SLC7A11: variants seen among roughly 807,000 people sequenced by gnomAD.
SLC7A11 encodes solute carrier family 7 member 11, also known as cystine/glutamate transporter.
A neutral mutation model predicts 54.5 loss-of-function variants in SLC7A11; 35 were observed. The observed-to-expected ratio is 0.64, with a 90% confidence interval of 0.49 to 0.85. The LOEUF is 0.85. Ranked by LOEUF, SLC7A11 falls within the 40% of genes least tolerant of loss-of-function variation. SLC7A11 has a pLI of 0.00. For synonymous variants in SLC7A11, 230 were observed against 225.2 expected, an observed-to-expected ratio of 1.02 and a Z score of -0.19; for missense variants, 583 against 618.1, an observed-to-expected ratio of 0.94 and a Z score of 0.60.
chr4:138,232,457 G>A (rs1738103629), intron 2 of SLC7A11, 75 bp from the exon 3 acceptor site: 2 of 784,446 alleles, frequency 2.5e-6, no homozygotes, highest in Non-Finnish European at 4.3e-6. Context: ...TCTACCTTGA[G>A]TGTATTTAGC....
intron 3 of SLC7A11, among the ~76,000 whole-genome samples, chr4:138,229,427 C>G (rs991415139): frequency 1.3e-5 from 2 of 152,184 alleles, no homozygotes; most frequent in Admixed American, 6.5e-5. Context: ...TGCTTTTTAA[C>G]TGTTGCTGAT....
intron 6 of SLC7A11, among the ~76,000 whole-genome samples, chr4:138,201,883 T>C (rs527917221): frequency 4.3e-4 from 66 of 152,266 alleles, no homozygotes; most frequent in African/African-American, 1.6e-3. Flanking sequence ...AAGGAATGAA[T>C]TAATGCAGAC....
rs983851765 is a variant in SLC7A11 at position 138,182,534 on chromosome 4, C to A, written c.1020-141G>T. 3 of 597,482 alleles carry A rather than the reference C, an allele frequency of 5.0e-6. No individual in the cohort carries two copies. The Admixed American group carries it at 9.1e-5, about 18-fold the overall frequency. 37.0% of individuals were successfully genotyped at this position (597,482 alleles called of 1,614,324 possible). ...TAGGTGATTGCCTAAGTTCACTTTT[C>A]AAATAAGGTGGAGAAATATCATAGG... On this transcript the variant is annotated intron_variant, in intron 8 of 11. Transcript: ENST00000280612.
chr4:138,208,828 G>A (rs1737473832), intron 6 of SLC7A11, among the ~76,000 whole-genome samples: 2 of 151,990 alleles, frequency 1.3e-5, no homozygotes, highest in Admixed American at 6.6e-5. Flanking sequence ...AGCAATTGTT[G>A]TATTTGAAAG....
chr4:138,228,989 C>A (rs530702450), intron 3 of SLC7A11, among the ~76,000 whole-genome samples: 12 of 152,182 alleles, frequency 7.9e-5, no homozygotes, highest in African/African-American at 2.9e-4. Context: ...ATTTACTTAA[C>A]CCCCCACCCT....
At chr4:138,217,208 T>G (rs1015702381) in intron 5 of SLC7A11, among the ~76,000 whole-genome samples, 2 of 152,204 alleles carry the variant, frequency 1.3e-5, no homozygotes, top group Admixed American at 1.3e-4. Flanking sequence ...ATAAGCCACT[T>G]GTATCAGATA....
chr4:138,204,372 A>C (rs1174992246), intron 6 of SLC7A11, among the ~76,000 whole-genome samples: 3 of 152,090 alleles, frequency 2.0e-5, no homozygotes, highest in Admixed American at 2.0e-4. Context: ...CAATCAATCT[A>C]CTTGTCAGAA....
At chr4:138,232,690 G>A (rs1053441275) in intron 2 of SLC7A11, among the ~76,000 whole-genome samples, 1 of 152,156 alleles carries the variant, frequency 6.6e-6, no homozygotes, top group African/African-American at 2.4e-5. Flanking sequence ...TCTTGACAGA[G>A]CTAGGCTTAC....
chr4:138,238,477 A>G (rs1474523287), intron 1 of SLC7A11, among the ~76,000 whole-genome samples: 2 of 152,252 alleles, frequency 1.3e-5, no homozygotes, highest in Non-Finnish European at 2.9e-5. Flanking sequence ...CTGATTAGTA[A>G]TAATTTAGAC....
intron 6 of SLC7A11, among the ~76,000 whole-genome samples, chr4:138,186,597 C>T (rs1197045580): frequency 6.6e-6 from 1 of 152,118 alleles, no homozygotes; most frequent in Non-Finnish European, 1.5e-5. Flanking sequence ...CAGATGGTCC[C>T]CTTCCCTAGT....
At chr4:138,212,139 A>G (rs1438403181) in intron 6 of SLC7A11, among the ~76,000 whole-genome samples, 1 of 151,910 alleles carries the variant, frequency 6.6e-6, no homozygotes. Flanking sequence ...GATATCCCAT[A>G]AAGATATTTT....
Position 138,177,156 on chromosome 4 carries a change from G to T in SLC7A11, c.1444+2061C>A, listed in dbSNP as rs112619051. On this transcript the variant is annotated intron_variant, in intron 11 of 11. Transcript: ENST00000280612. ...TGCTTTAAAGGACTGACTTCTCAAT[G>T]AGTCTGCACAGCACACTAGAGATTC... is the stretch of plus-strand genomic sequence containing the variant. 333 of 152,210 alleles carry T rather than the reference G, an allele frequency of 2.2e-3. 3 individuals are homozygous for T. Among genetic ancestry groups the T allele is most frequent in the African/African-American group, 7.8e-3 (323 of 41,560 alleles). 9.4% of individuals were successfully genotyped at this position (152,210 alleles called of 1,614,324 possible).
Position 138,182,314 on chromosome 4 carries a change from G to T in SLC7A11, c.1099C>A (p.Pro367Thr). The T allele has an allele frequency of 6.2e-7, 1 of 1,607,514 alleles. No homozygotes were observed. Among genetic ancestry groups the T allele is most frequent in the Non-Finnish European group, 8.5e-7 (1 of 1,174,460 alleles). Residue 367 changes from proline to threonine, a missense_variant, in exon 9 of 12, where the codon CCA becomes ACA. Transcript: ENST00000280612. Reference sequence around the variant, plus strand: ...TGCATTACCAAAACAATAACAGCTGGTAGAGGAGTGTGCTTGCGGACATGA... The same window carrying T: ...TGCATTACCAAAACAATAACAGCTGTTAGAGGAGTGTGCTTGCGGACATGA... ...MIHVRKHTPL[P>T]AVIVLHPLTM...
At chr4:138,224,815 AAAGGAAGG>A (rs138629758) in intron 3 of SLC7A11, among the ~76,000 whole-genome samples, 6,191 of 135,808 alleles carry the variant, frequency 0.046, 228 homozygotes, top group African/African-American at 0.089. Context: ...AGGAAGGATG[AAAGGAAGG>A]AAGGAAGGAA....
At chr4:138,199,038 G>A (rs897875385) in intron 6 of SLC7A11, among the ~76,000 whole-genome samples, 2 of 152,092 alleles carry the variant, frequency 1.3e-5, no homozygotes, top group Non-Finnish European at 2.9e-5. Context: ...AGCTGTCAGG[G>A]ATACAGCAGT....
In SLC7A11 at chr4:138,225,187, A is replaced by G. The variant is rs370813539; in HGVS notation, c.521-1863T>C. Among the ~76,000 whole-genome samples, 104 of 140,634 alleles carry G rather than the reference A, an allele frequency of 7.4e-4. 1 individual carries two copies. The South Asian group carries it at 0.022, about 30-fold the overall frequency. The allele number at this position is 140,634 out of a possible 152,430, so 92.3% of individuals were successfully genotyped here. ...ATATATATATAAATAAAATCATTAC[A>G]TTGTACACCCTAAAATTACAATTTT... On this transcript the variant is annotated intron_variant, in intron 3 of 11. Transcript: ENST00000280612.
chr4:138,202,147 A>G (rs1737299963), intron 6 of SLC7A11, among the ~76,000 whole-genome samples: 1 of 152,136 alleles, frequency 6.6e-6, no homozygotes, highest in African/African-American at 2.4e-5. Flanking sequence ...CACAGAGGCT[A>G]CAGACCATTT....
intron 6 of SLC7A11, among the ~76,000 whole-genome samples, chr4:138,208,842 G>A (rs1398728010): frequency 6.6e-6 from 1 of 152,014 alleles, no homozygotes; most frequent in Non-Finnish European, 1.5e-5. Context: ...TTGAAAGATT[G>A]CTACTTCCAT....
At chr4:138,232,999 A>G (rs1234531661) in intron 2 of SLC7A11, among the ~76,000 whole-genome samples, 2 of 152,088 alleles carry the variant, frequency 1.3e-5, no homozygotes, top group Non-Finnish European at 2.9e-5. Context: ...GATACAATTA[A>G]GAAAATATAA....
Sources: allele counts gnomAD v4.1 joint callset (sites outside exome capture counted in the v4.1 genomes callset), GRCh38; gene constraint gnomAD v4.1.1; transcripts MANE v1.5; gene names NCBI Gene and HGNC (gene_info 2026-07-23, HGNC 2026-07-21).